Variants in ABCB7 observed in about 807,000 individuals in gnomAD.
ABCB7 encodes the protein iron-sulfur clusters transporter ABCB7, mitochondrial.
A neutral mutation model predicts 54.4 loss-of-function variants in ABCB7; 7 were observed. That is an observed-to-expected ratio of 0.13 (90% confidence interval 0.07 to 0.24). The LOEUF is 0.24. Among genes scored for constraint, ABCB7 ranks in the 10% least tolerant of loss-of-function variants. The probability of loss-of-function intolerance (pLI) is 1.00; values close to 1 mark genes in which losing one functional copy is unlikely to be tolerated. For synonymous variants in ABCB7, 218 were observed against 207.1 expected, an observed-to-expected ratio of 1.05 and a Z score of -0.45; for missense variants, 356 against 570.4, an observed-to-expected ratio of 0.62 and a Z score of 3.83.
At position 75,076,593 on chromosome X, in the gene ABCB7, G is replaced by A; in HGVS notation, c.515C>T (p.Ser172Leu). The stretch of plus-strand genomic sequence containing the variant: ...ATCACTCAGGTTCAGCATGTTTCCC[G>A]ACATCTGGTTGAGGCTGTCTACAGC... ...KYAVDSLNQM[S>L]GNMLNLSDAP... Residue 172 changes from serine (S) to leucine (L), a missense_variant, in exon 5 of 16, where the codon TCG becomes TTG. By Grantham distance (145) the Ser-to-Leu change is moderately radical (BLOSUM62 -2). Coordinates refer to ENST00000373394, the MANE Select transcript of ABCB7 (RefSeq NM_001271696.3). 1 of 1,210,483 alleles carries A rather than the reference G, an allele frequency of 8.3e-7. No individual in the cohort carries two copies. Among genetic ancestry groups the A allele is most frequent in the Non-Finnish European group, 1.1e-6 (1 of 894,394 alleles).
intron 4 of ABCB7, among the ~76,000 whole-genome samples, chrX:75,086,307 AAG>A (rs1383434232): frequency 2.7e-5 from 3 of 112,068 alleles, no homozygotes; most frequent in African/African-American, 9.7e-5. Flanking sequence ...CTAACTGAAG[AAG>A]AGAGTTAAGT....
intron 1 of ABCB7, among the ~76,000 whole-genome samples, chrX:75,122,173 T>A (rs748065163): frequency 9.0e-6 from 1 of 111,349 alleles, no homozygotes; most frequent in Non-Finnish European, 1.9e-5. Context: ...GCACAAGATA[T>A]AGGTCATAAA....
chrX:75,118,569 G>T (rs2081844602), intron 1 of ABCB7, among the ~76,000 whole-genome samples: 1 of 110,971 alleles, frequency 9.0e-6, no homozygotes, highest in Non-Finnish European at 1.9e-5. Flanking sequence ...AAGTAGATAA[G>T]ATTCCTCTCA....
chrX:75,064,371 G>A (rs999462841), intron 13 of ABCB7, among the ~76,000 whole-genome samples: 1 of 110,528 alleles, frequency 9.0e-6, no homozygotes, highest in Non-Finnish European at 1.9e-5. Flanking sequence ...ATCTATAATC[G>A]ATACATTTCC....
chrX:75,116,491 G>C (rs1044514187), intron 1 of ABCB7, among the ~76,000 whole-genome samples: 4 of 111,351 alleles, frequency 3.6e-5, no homozygotes, highest in Admixed American at 2.9e-4. Context: ...TTTCCTTGAG[G>C]CCACTTTACC....
At chrX:75,142,741 G>A (rs1231262843) in intron 1 of ABCB7, among the ~76,000 whole-genome samples, 2 of 112,054 alleles carry the variant, frequency 1.8e-5, no homozygotes, top group South Asian at 3.7e-4. Context: ...AATCCTGCAC[G>A]TCGCTCTACA....
intron 13 of ABCB7, among the ~76,000 whole-genome samples, chrX:75,063,533 C>G (rs1222748247): frequency 9.1e-6 from 1 of 110,215 alleles, no homozygotes; most frequent in Non-Finnish European, 1.9e-5. Context: ...CATACGCTTC[C>G]CCACCTCACA....
intron 3 of ABCB7, among the ~76,000 whole-genome samples, chrX:75,112,112 G>T (rs1055169441): frequency 8.9e-6 from 1 of 111,853 alleles, no homozygotes; most frequent in East Asian, 2.8e-4. Context: ...ACTGAAAACT[G>T]TTTCCTGCCA....
intron 4 of ABCB7, among the ~76,000 whole-genome samples, chrX:75,081,464 A>G (rs1190802488): frequency 2.7e-5 from 3 of 112,281 alleles, no homozygotes; most frequent in East Asian, 5.6e-4. Flanking sequence ...GACAGAGGCA[A>G]GTATTATTGA....
chrX:75,104,047 G>GTTTTTTTTGTTTTT (rs2081664100), intron 3 of ABCB7, among the ~76,000 whole-genome samples: 2 of 13,443 alleles, frequency 1.5e-4, no homozygotes, highest in Non-Finnish European at 3.5e-4. Flanking sequence ...TCTTGTTACA[G>GTTTTTTTTGTTTTT]TTTTTTTTTT....
At chrX:75,085,516 G>A (rs1158787859) in intron 4 of ABCB7, among the ~76,000 whole-genome samples, 2 of 111,386 alleles carry the variant, frequency 1.8e-5, no homozygotes, top group Non-Finnish European at 3.8e-5. Context: ...TATCCTGACT[G>A]TGGTGGTAAT....
chrX:75,131,892 C>CAGCT (rs1238755831), intron 1 of ABCB7, among the ~76,000 whole-genome samples: 1 of 111,482 alleles, frequency 9.0e-6, no homozygotes, highest in East Asian at 2.8e-4. Flanking sequence ...TCTGCCATTA[C>CAGCT]AGCTACAGTA....
At chrX:75,065,012 C>T (rs1353335511) in intron 13 of ABCB7, 58 bp downstream of exon 13, 3 of 1,177,559 alleles carry the variant, frequency 2.5e-6, no homozygotes, top group Non-Finnish European at 3.5e-6. Flanking sequence ...ATGGCTCTGA[C>T]AAATTAGAGT....
rs4148834 is a variant in ABCB7, at chrX:75,150,796, C to T, written c.168+5309G>A. On this transcript the variant is annotated intron_variant, in intron 1 of 15. Transcript: ENST00000373394. ...CTTTAAGATAACACTGACAACAATA[C>T]AGCAATAAATGATATTAATTTTATA... Among the ~76,000 whole-genome samples the T allele has an allele frequency of 9.9e-5, 11 of 111,587 alleles. No individual in the cohort carries two copies. In the East Asian group the frequency reaches 2.5e-3, roughly 25 times the overall value.
At chrX:75,105,169 T>C (rs2081682408) in intron 3 of ABCB7, among the ~76,000 whole-genome samples, 2 of 110,293 alleles carry the variant, frequency 1.8e-5, no homozygotes, top group South Asian at 7.8e-4. Flanking sequence ...TTATTGGGAG[T>C]CCTAGCTACA....
At chrX:75,128,272 C>T (rs751014053) in intron 1 of ABCB7, among the ~76,000 whole-genome samples, 2 of 111,105 alleles carry the variant, frequency 1.8e-5, no homozygotes, top group South Asian at 3.8e-4. Flanking sequence ...TGGAACAGAA[C>T]AGGGGCCTCA....
intron 12 of ABCB7, among the ~76,000 whole-genome samples, chrX:75,066,660 T>C (rs1390217480): frequency 9.4e-6 from 1 of 106,839 alleles, no homozygotes; most frequent in African/African-American, 3.3e-5. Context: ...ACCTTAAATA[T>C]ATACAATAAT....
At chrX:75,066,792 G>T (rs1450637243) in intron 12 of ABCB7, among the ~76,000 whole-genome samples, 1 of 110,292 alleles carries the variant, frequency 9.1e-6, no homozygotes, top group Non-Finnish European at 1.9e-5. Context: ...ATAAAATCAG[G>T]ATATTATATT....
chrX:75,127,358 C>A (rs958876847), intron 1 of ABCB7, among the ~76,000 whole-genome samples: 1 of 111,485 alleles, frequency 9.0e-6, no homozygotes, highest in Non-Finnish European at 1.9e-5. Context: ...AAATTCAACA[C>A]CCCTTCATGC....
Sources: allele counts gnomAD v4.1 joint callset (sites outside exome capture counted in the v4.1 genomes callset), GRCh38; gene constraint gnomAD v4.1.1; transcripts MANE v1.5; gene names NCBI Gene and HGNC (gene_info 2026-07-23, HGNC 2026-07-21).